The following RALYL variants were observed in gnomAD, a reference collection of about 807,000 sequenced individuals.
RALYL encodes the protein RALY RNA binding protein like, also known as RNA-binding Raly-like protein.
A neutral mutation model predicts 35.1 loss-of-function variants in RALYL; 29 were observed. The ratio of observed to expected loss-of-function variants is 0.83; its 90% CI spans 0.61 to 1.13. RALYL has a LOEUF of 1.13. RALYL is among the 50% of genes most tolerant of loss of function. The pLI is 0.00. For synonymous variants in RALYL, 120 were observed against 127.6 expected (o/e 0.94, Z 0.40); for missense variants, 359 against 360.4 (o/e 1.00, Z 0.03).
chr8:84,605,735 C>T (rs983508965), intron 2 of RALYL, among the ~76,000 whole-genome samples: 4 of 152,136 alleles, frequency 2.6e-5, no homozygotes, highest in South Asian at 2.1e-4. Context: ...TTTTCTCCCT[C>T]CCTATTGTGT....
intron 2 of RALYL, among the ~76,000 whole-genome samples, chr8:84,730,330 A>G (rs1845903507): frequency 6.6e-6 from 1 of 152,204 alleles, no homozygotes; most frequent in Non-Finnish European, 1.5e-5. Context: ...GACAAAATTC[A>G]ACAACACTTC....
At chr8:84,781,564 C>T (rs967912905) in intron 3 of RALYL, among the ~76,000 whole-genome samples, 2 of 152,248 alleles carry the variant, frequency 1.3e-5, no homozygotes, top group African/African-American at 4.8e-5. Flanking sequence ...GTTTATGTTG[C>T]TAGTCTTCAG....
intron 2 of RALYL, chr8:84,679,843 ATT>A (rs763519354): frequency 7.9e-6 from 3 of 378,286 alleles, no homozygotes; most frequent in African/African-American, 6.4e-5. Flanking sequence ...TCACATCTTT[ATT>A]TTTTTTCTTT....
chr8:84,297,948 G>A (rs1190541392), intron 1 of RALYL, among the ~76,000 whole-genome samples: 1 of 152,060 alleles, frequency 6.6e-6, no homozygotes, highest in Non-Finnish European at 1.5e-5. Context: ...TTTGTCAGAT[G>A]CCTAGTTTGC....
chr8:84,305,428 T>C (rs920306587), intron 1 of RALYL, among the ~76,000 whole-genome samples: 1 of 152,178 alleles, frequency 6.6e-6, no homozygotes, highest in African/African-American at 2.4e-5. Context: ...AAAACAGTTA[T>C]CTTAAGCTTA....
intron 1 of RALYL, among the ~76,000 whole-genome samples, chr8:84,225,578 A>C (rs1386366602): frequency 6.6e-6 from 1 of 152,090 alleles, no homozygotes; most frequent in African/African-American, 2.4e-5. Context: ...AATATTGGCT[A>C]TTTCTCTCTC....
intron 2 of RALYL, among the ~76,000 whole-genome samples, chr8:84,582,327 TATAAC>T (rs1038675076): frequency 1.4e-4 from 21 of 152,176 alleles, no homozygotes; most frequent in African/African-American, 5.1e-4. Flanking sequence ...GAACTACTGT[TATAAC>T]AAACGTAACT....
At chr8:84,821,169 T>A (rs998527445) in intron 4 of RALYL, among the ~76,000 whole-genome samples, 4 of 152,228 alleles carry the variant, frequency 2.6e-5, no homozygotes, top group Non-Finnish European at 5.9e-5. Flanking sequence ...AAATAATTTT[T>A]TGGCAGTTTA....
rs959240785 is a variant in RALYL, at chr8:84,745,006, ACACT to A, written c.257-29569_257-29566del. The stretch of plus-strand genomic sequence containing the variant: ...TGGAAAAACATTAGTTGAGCACAAA[ACACT>A]CACCTCCATGAACCCAGCTGAACAG... On this transcript the variant is annotated intron_variant, in intron 2 of 8. Coordinates refer to ENST00000521268, the MANE Select transcript of RALYL (RefSeq NM_173848.7). Among the ~76,000 whole-genome samples, 3 of 151,886 alleles carry A rather than the reference ACACT, an allele frequency of 2.0e-5. No homozygotes were observed. In the East Asian group the frequency reaches 5.8e-4, roughly 29 times the overall value.
chr8:84,917,576 C>T (rs1229351369), intron 8 of RALYL, among the ~76,000 whole-genome samples: 1 of 150,588 alleles, frequency 6.6e-6, no homozygotes, highest in Non-Finnish European at 1.5e-5. Flanking sequence ...CTCATCTAAG[C>T]CTTGTTTTTA....
At chr8:84,332,052 C>T (rs937175745) in intron 1 of RALYL, among the ~76,000 whole-genome samples, 1 of 152,088 alleles carries the variant, frequency 6.6e-6, no homozygotes, top group African/African-American at 2.4e-5. Context: ...GTCCCGAATC[C>T]TCTTTTTAAT....
At chr8:84,855,212 C>G (rs1180893683) in intron 5 of RALYL, among the ~76,000 whole-genome samples, 7 of 152,204 alleles carry the variant, frequency 4.6e-5, no homozygotes. Flanking sequence ...TGCCCAACCC[C>G]AACCCTAACC....
At chr8:84,228,535 T>C (rs1260543710) in intron 1 of RALYL, among the ~76,000 whole-genome samples, 2 of 152,144 alleles carry the variant, frequency 1.3e-5, no homozygotes, top group Non-Finnish European at 2.9e-5. Flanking sequence ...ATCTCCAAAA[T>C]TGGCAGATAG....
chr8:84,456,820 A>T (rs758355533), intron 1 of RALYL, among the ~76,000 whole-genome samples: 5 of 151,972 alleles, frequency 3.3e-5, no homozygotes, highest in Non-Finnish European at 7.4e-5. Flanking sequence ...CAGCCAGAAA[A>T]TTTTTAAATT....
In RALYL at chr8:84,824,512, T is replaced by C. The variant is rs184420525; in HGVS notation, c.365+19710T>C. 8.2e-4 allele frequency among the ~76,000 whole-genome samples: 125 copies of C among 152,064 alleles called. 1 individual carries two copies. The highest frequency in any genetic ancestry group is 2.9e-3 in the African/African-American group (121 of 41,342). ...TTTTTCTCAGAACTAGAAAAAGCTA[T>C]TTTAAAATTCAAAGGAAACCAAAAA... On this transcript the variant is annotated intron_variant, in intron 4 of 8. Coordinates refer to ENST00000521268, the MANE Select transcript of RALYL (RefSeq NM_173848.7).
chr8:84,271,226 A>C (rs533219637), intron 1 of RALYL, among the ~76,000 whole-genome samples: 1 of 152,224 alleles, frequency 6.6e-6, no homozygotes, highest in South Asian at 2.1e-4. Context: ...ACAATTTAAA[A>C]ATGGGAAAAA....
intron 1 of RALYL, among the ~76,000 whole-genome samples, chr8:84,389,268 A>G (rs1329935413): frequency 6.6e-6 from 1 of 152,144 alleles, no homozygotes; most frequent in Non-Finnish European, 1.5e-5. Context: ...GTTTGAAGTC[A>G]GGTAGCATGA....
chr8:84,628,272 T>C (rs1006982392), intron 2 of RALYL, among the ~76,000 whole-genome samples: 5 of 152,116 alleles, frequency 3.3e-5, no homozygotes, highest in African/African-American at 4.8e-5. Flanking sequence ...TAATTTTAAT[T>C]AGTTCTTAGT....
chr8:84,749,203 A>G (rs1809352983), intron 2 of RALYL, among the ~76,000 whole-genome samples: 1 of 152,154 alleles, frequency 6.6e-6, no homozygotes. Flanking sequence ...AATAAGTATT[A>G]TTACCTTTTT....
Sources: allele counts gnomAD v4.1 joint callset (sites outside exome capture counted in the v4.1 genomes callset), GRCh38; gene constraint gnomAD v4.1.1; transcripts MANE v1.5; gene names NCBI Gene and HGNC (gene_info 2026-07-23, HGNC 2026-07-21).